The following RAD54L variants were observed in gnomAD, a reference collection of about 807,000 sequenced individuals.
RAD54L encodes RAD54 like.
In RAD54L, 74 loss-of-function variants were observed where a neutral mutation model predicts 91.6. The ratio of observed to expected loss-of-function variants is 0.81; its 90% CI spans 0.67 to 0.98. The LOEUF (loss-of-function observed/expected upper bound fraction) is 0.98. Among genes scored for constraint, RAD54L ranks in the 50% least tolerant of loss-of-function variants. The probability of loss-of-function intolerance (pLI) is 0.00; values close to 1 mark genes in which losing one functional copy is unlikely to be tolerated. For synonymous variants in RAD54L, 304 were observed against 349.7 expected, an observed-to-expected ratio of 0.87 and a Z score of 1.46; for missense variants, 887 against 945.7, an observed-to-expected ratio of 0.94 and a Z score of 0.81.
intron 3 of RAD54L, among the ~76,000 whole-genome samples, chr1:46,251,455 C>T (rs1410713182): frequency 6.6e-6 from 1 of 152,184 alleles, no homozygotes; most frequent in Non-Finnish European, 1.5e-5. Context: ...TTCCCATCCC[C>T]AGAGGTAATC....
At chr1:46,260,505 G>A in intron 5 of RAD54L, 37 bp from the exon 6 acceptor site, 2 of 1,598,900 alleles carry the variant, frequency 1.3e-6, no homozygotes, top group Non-Finnish European at 1.7e-6. Flanking sequence ...CCTTGCCCAT[G>A]TCTGAGCACG....
chr1:46,260,995 A>G lies in RAD54L; in HGVS notation c.746A>G (p.Asp249Gly). Residue 249 changes from aspartate to glycine, a missense_variant, in exon 7 of 18, where the codon GAT (aspartate) becomes GGT (glycine). Asp to Gly is a moderately conservative substitution (Grantham distance 94). Transcript: ENST00000371975. ...QPLAIDGGSKDEIDQKLEGFM... is the reference protein window; with the variant it reads ...QPLAIDGGSKGEIDQKLEGFM... ...CTGGCCATCGATGGAGGATCTAAGG[A>G]TGAAATAGACCAAAAGCTGGGTACG... The G allele has an allele frequency of 6.2e-7, 1 of 1,613,824 alleles. No homozygotes were observed. The highest frequency in any genetic ancestry group is 8.5e-7 in the Non-Finnish European group (1 of 1,180,002).
At chr1:46,248,621 A>T (rs150959392) in intron 2 of RAD54L, 23 bp downstream of exon 2, 1 of 1,609,504 alleles carries the variant, frequency 6.2e-7, no homozygotes, top group African/African-American at 1.3e-5. Flanking sequence ...GGGGACAGGG[A>T]AGGTGGGTAG....
chr1:46,272,289 C>T lies in RAD54L; in HGVS notation c.1170-177C>T, dbSNP rs151062594. Among the ~76,000 whole-genome samples the T allele has an allele frequency of 1.7e-3, 251 of 152,058 alleles. 4 individuals carry two copies. The East Asian group carries it at 0.04, about 24-fold the overall frequency. ...AACTCCTGACCACAGGTGATCCGCC[C>T]GCCTCAGCTTCCCAAAGTGCTGGGA... On this transcript the variant is annotated intron_variant, in intron 10 of 17. Coordinates refer to ENST00000371975, the MANE Select transcript of RAD54L (RefSeq NM_003579.4).
chr1:46,258,933 A>T (rs1324273946), intron 4 of RAD54L, among the ~76,000 whole-genome samples, 187 bp downstream of exon 4: 2 of 152,184 alleles, frequency 1.3e-5, no homozygotes, highest in Non-Finnish European at 2.9e-5. Context: ...AGGGCTGCCA[A>T]GACTAACTGC....
chr1:46,256,266 G>T (rs936785683), intron 3 of RAD54L, among the ~76,000 whole-genome samples: 8 of 151,928 alleles, frequency 5.3e-5, no homozygotes, highest in African/African-American at 1.2e-4. Flanking sequence ...GGGGTGTGTG[G>T]GGGGGTCTCA....
At chr1:46,252,905 T>TA (rs1659840055) in intron 3 of RAD54L, among the ~76,000 whole-genome samples, 2 of 151,886 alleles carry the variant, frequency 1.3e-5, no homozygotes, top group South Asian at 4.2e-4. Flanking sequence ...ACCCTATTTC[T>TA]AAAAAACAAT....
At chr1:46,273,317 A>G in intron 12 of RAD54L, 38 bp from the exon 13 acceptor site, 4 of 1,547,586 alleles carry the variant, frequency 2.6e-6, no homozygotes, top group African/African-American at 1.4e-5. Context: ...GAAACTTCAG[A>G]AAGCAAAGTA....
intron 3 of RAD54L, 24 bp downstream of exon 3, chr1:46,250,143 T>C (rs1178615249): frequency 1.2e-6 from 2 of 1,613,642 alleles, no homozygotes; most frequent in African/African-American, 2.7e-5. Flanking sequence ...GCAACCTGCA[T>C]GTGTATGTCT....
intron 9 of RAD54L, among the ~76,000 whole-genome samples, chr1:46,270,426 T>G (rs1470178999): frequency 6.6e-6 from 1 of 152,178 alleles, no homozygotes; most frequent in Non-Finnish European, 1.5e-5. Context: ...TCCATTTACA[T>G]TTACTCTAAG....
rs914964926 is a variant in RAD54L at position 46,258,625 on chromosome 1, A to G, written c.211-61A>G. Reference sequence around the variant, plus strand: ...TACAAAACCTAATGTGAAGCATATCATGATATTGTCCCATAACATCTCCAG... The same window carrying G: ...TACAAAACCTAATGTGAAGCATATCGTGATATTGTCCCATAACATCTCCAG... On this transcript the variant is annotated intron_variant, in intron 3 of 17. Coordinates refer to ENST00000371975, the MANE Select transcript of RAD54L (RefSeq NM_003579.4). The G allele has an allele frequency of 4.0e-6, 5 of 1,245,458 alleles. No homozygotes were observed. In the South Asian group the frequency reaches 4.8e-5, roughly 12 times the overall value. 77.2% of individuals were successfully genotyped at this position (1,245,458 alleles called of 1,614,324 possible). A position where few individuals can be genotyped will look rare whatever the true frequency, so the allele number is the denominator to read the frequency against.
At chr1:46,260,331 T>C (rs1660074236) in intron 5 of RAD54L, among the ~76,000 whole-genome samples, 1 of 152,048 alleles carries the variant, frequency 6.6e-6, no homozygotes, top group African/African-American at 2.4e-5. Flanking sequence ...GGAGGAGTGA[T>C]TGAGGTGATG....
intron 3 of RAD54L, among the ~76,000 whole-genome samples, chr1:46,253,612 T>TA (rs775591800): frequency 3.7e-4 from 47 of 127,050 alleles, no homozygotes; most frequent in South Asian, 5.1e-4. Context: ...AGACTCTGTC[T>TA]AAAAAAAAAA....
intron 12 of RAD54L, 77 bp downstream of exon 12, chr1:46,272,879 C>T (rs1477519416): frequency 2.5e-6 from 4 of 1,586,700 alleles, no homozygotes; most frequent in East Asian, 2.2e-5. Flanking sequence ...GCCTGGCAAC[C>T]CTCACTAAAA....
rs1660006973 is a variant in RAD54L, at chr1:46,258,610, A to G, written c.211-76A>G. On this transcript the variant is annotated intron_variant, in intron 3 of 17. Coordinates refer to ENST00000371975, the MANE Select transcript of RAD54L (RefSeq NM_003579.4). ...AGATGGATGCTGTTGTACAAAACCT[A>G]ATGTGAAGCATATCATGATATTGTC... 30 of 1,120,504 alleles carry G rather than the reference A, an allele frequency of 2.7e-5. 1 individual carries two copies. The South Asian group carries it at 3.7e-4, about 14-fold the overall frequency. The allele number at this position is 1,120,504 out of a possible 1,614,324, so 69.4% of individuals were successfully genotyped here.
chr1:46,276,321 G>A (rs1043552516), intron 16 of RAD54L, among the ~76,000 whole-genome samples: 2 of 152,088 alleles, frequency 1.3e-5, no homozygotes, highest in Non-Finnish European at 2.9e-5. Flanking sequence ...CACCACACCC[G>A]GATAACTTTT....
In RAD54L at chr1:46,277,929, T is replaced by C; in HGVS notation, c.1982T>C (p.Leu661Ser). The change falls in exon 17 of 18, where the codon TTG becomes TCG. Residue 661 changes from leucine (L) to serine (S), a missense_variant. Physicochemically the swap from Leu to Ser is moderately radical, Grantham distance 145. Coordinates refer to ENST00000371975, the MANE Select transcript of RAD54L (RefSeq NM_003579.4). The part of the protein sequence containing the change: ...DVERHFSLGE[L>S]KELFILDEAS... Reference sequence around the variant, plus strand: ...GAGCGCCACTTCTCTCTGGGCGAGTTGAAGGAGCTGTTTATCCTGGATGAA... The same window carrying C: ...GAGCGCCACTTCTCTCTGGGCGAGTCGAAGGAGCTGTTTATCCTGGATGAA... 6.2e-7 allele frequency: 1 copy of C among 1,614,092 alleles called. No homozygotes were observed. The highest frequency in any genetic ancestry group is 8.5e-7 in the Non-Finnish European group (1 of 1,180,018).
chr1:46,276,483 A>T (rs1399382305), intron 16 of RAD54L, among the ~76,000 whole-genome samples: 1 of 152,154 alleles, frequency 6.6e-6, no homozygotes, highest in Non-Finnish European at 1.5e-5. Context: ...GTTGTTCTTA[A>T]TGGCTCCATT....
chr1:46,271,169 A>C (rs1484383128), intron 10 of RAD54L, among the ~76,000 whole-genome samples: 1 of 152,208 alleles, frequency 6.6e-6, no homozygotes, highest in East Asian at 1.9e-4. Context: ...AGGTAGGAGA[A>C]GATCTGAAAG....
Sources: gnomAD v4.1 joint callset for allele counts (sites outside exome capture counted in the v4.1 genomes callset) on GRCh38, gnomAD v4.1.1 for gene constraint, MANE v1.5 for transcripts, NCBI Gene and HGNC (gene_info 2026-07-23, HGNC 2026-07-21) for gene names.